FMN1: variants seen among roughly 807,000 people sequenced by gnomAD.
FMN1 encodes formin 1, also known as formin-1.
A neutral mutation model predicts 132.4 loss-of-function variants in FMN1; 110 were observed. The observed-to-expected ratio is 0.83, with a 90% CI of 0.71 to 0.97. FMN1 has a LOEUF of 0.97. Among genes scored for constraint, FMN1 ranks in the 50% least tolerant of loss-of-function variants. The probability of loss-of-function intolerance (pLI) is 0.00; values close to 1 mark genes in which losing one functional copy is unlikely to be tolerated. For synonymous variants in FMN1, 722 were observed against 651.7 expected (o/e 1.11, Z -1.64); for missense variants, 1,792 against 1,705.3 (o/e 1.05, Z -0.90).
intron 10 of FMN1, among the ~76,000 whole-genome samples, chr15:32,918,909 T>G (rs1041369592): frequency 1.3e-5 from 2 of 152,158 alleles, no homozygotes; most frequent in African/African-American, 4.8e-5. Context: ...GGAGCCCCGC[T>G]GCTTAGGTGT....
intron 6 of FMN1, among the ~76,000 whole-genome samples, chr15:33,023,955 T>C (rs986471463): frequency 2.6e-5 from 4 of 152,120 alleles, no homozygotes; most frequent in African/African-American, 7.2e-5. Flanking sequence ...TGTTGAAAGA[T>C]GGCAGGAGAA....
chr15:32,871,772 T>C (rs533751993), intron 16 of FMN1, among the ~76,000 whole-genome samples: 38 of 152,326 alleles, frequency 2.5e-4, no homozygotes, highest in Non-Finnish European at 4.4e-5. Flanking sequence ...GGAGAGATTT[T>C]GGAAATAAAA....
chr15:33,091,079 G>C (rs2038885063), intron 4 of FMN1, among the ~76,000 whole-genome samples: 1 of 152,044 alleles, frequency 6.6e-6, no homozygotes, highest in Admixed American at 6.6e-5. Context: ...TGCTGGCTTT[G>C]GGTAAAGTTT....
intron 12 of FMN1, among the ~76,000 whole-genome samples, chr15:32,906,816 G>C (rs1242821156): frequency 6.6e-6 from 1 of 152,208 alleles, no homozygotes; most frequent in Non-Finnish European, 1.5e-5. Context: ...GAACAAGACA[G>C]CAAGGGAACC....
chr15:32,999,182 G>A (rs1219161078), intron 7 of FMN1, among the ~76,000 whole-genome samples: 1 of 152,158 alleles, frequency 6.6e-6, no homozygotes, highest in Admixed American at 6.5e-5. Flanking sequence ...TTTCATACTT[G>A]TGAAAGTTTT....
chr15:33,153,747 G>A lies in FMN1; in HGVS notation c.1168C>T (p.Arg390Trp), dbSNP rs144328486. Residue 390 changes from arginine (R) to tryptophan (W), a missense_variant, in exon 4 of 21, where the codon CGG becomes TGG. Arg to Trp is a moderately radical substitution (Grantham distance 101). This residue lies in a region of FMN1 where 638 missense variants were observed against 645.2 expected (regional missense o/e 0.99). Coordinates refer to ENST00000616417, the MANE Select transcript of FMN1 (RefSeq NM_001277313.2). ...GACTGCGATGACCTATCCCCTTGCC[G>A]CTCCTTGCCCTGCCGCCTGGAGCCA... ...AHGSRRQGKE[R>W]QGDRSSQSPA... The A allele has an allele frequency of 5.4e-4, 825 of 1,536,188 alleles. 4 individuals are homozygous for A. The Middle Eastern group carries it at 0.014, about 26-fold the overall frequency.
At position 32,832,550 on chromosome 15, in the gene FMN1, C is replaced by A. The variant is rs531985461; in HGVS notation, c.3928+24465G>T. ...ATCCCAGCACTTTGGGAGGCCGAGG[C>A]GGGCAGATCATGAAGTCAGGAGATC... is the stretch of plus-strand genomic sequence containing the variant. On this transcript the variant is annotated intron_variant, in intron 17 of 20. Coordinates refer to ENST00000616417, the MANE Select transcript of FMN1 (RefSeq NM_001277313.2). Among the ~76,000 whole-genome samples the A allele has an allele frequency of 2.6e-5, 4 of 151,984 alleles. No individual in the cohort carries two copies. In the South Asian group the frequency reaches 8.3e-4, roughly 32 times the overall value.
chr15:32,833,334 A>G (rs2058548162), intron 17 of FMN1, among the ~76,000 whole-genome samples: 2 of 152,182 alleles, frequency 1.3e-5, no homozygotes, highest in African/African-American at 4.8e-5. Context: ...GGAATGTCTT[A>G]TGAAGCAGCA....
intron 3 of FMN1, among the ~76,000 whole-genome samples, chr15:33,155,541 T>C (rs144263089): frequency 1.5e-3 from 233 of 152,336 alleles, no homozygotes; most frequent in African/African-American, 5.3e-3. Context: ...AATTATCGAT[T>C]CAACTTAAAA....
At chr15:32,842,138 G>C (rs2058758397) in intron 17 of FMN1, among the ~76,000 whole-genome samples, 1 of 152,180 alleles carries the variant, frequency 6.6e-6, no homozygotes, top group South Asian at 2.1e-4. Context: ...CCCAGTGTTT[G>C]AGAGGATAGG....
At chr15:33,018,147 T>G (rs1390581608) in intron 6 of FMN1, among the ~76,000 whole-genome samples, 1 of 151,554 alleles carries the variant, frequency 6.6e-6, no homozygotes, top group African/African-American at 2.4e-5. Context: ...CTTTGGGAGG[T>G]GATCAGGTCA....
At chr15:32,965,327 G>A (rs2031099005) in intron 8 of FMN1, among the ~76,000 whole-genome samples, 1 of 152,064 alleles carries the variant, frequency 6.6e-6, no homozygotes, top group African/African-American at 2.4e-5. Flanking sequence ...TTGAACCCGG[G>A]AGGCAGAGGT....
chr15:33,040,427 C>G (rs1426650996), intron 6 of FMN1, among the ~76,000 whole-genome samples: 2 of 152,092 alleles, frequency 1.3e-5, no homozygotes, highest in African/African-American at 4.8e-5. Context: ...AACAACAAAA[C>G]AGAAAAAAAC....
chr15:33,060,201 C>T (rs752749417), intron 6 of FMN1, among the ~76,000 whole-genome samples: 14 of 152,132 alleles, frequency 9.2e-5, no homozygotes, highest in Middle Eastern at 3.2e-3. Context: ...ATTCCCCAGA[C>T]GGTGAAAGAG....
chr15:32,870,847 A>G (rs374746057), intron 16 of FMN1, among the ~76,000 whole-genome samples: 5 of 152,194 alleles, frequency 3.3e-5, no homozygotes, highest in African/African-American at 1.2e-4. Flanking sequence ...CCTTCCCTTG[A>G]ATTAAAGATG....
At chr15:33,009,897 GTTTT>G (rs201243952) in intron 6 of FMN1, among the ~76,000 whole-genome samples, 5 of 149,790 alleles carry the variant, frequency 3.3e-5, no homozygotes, top group South Asian at 2.1e-4. Context: ...TTTTTTGTTT[GTTTT>G]TTTTGAGATG....
intron 9 of FMN1, among the ~76,000 whole-genome samples, chr15:32,946,453 G>C (rs978456410): frequency 5.3e-5 from 8 of 152,196 alleles, no homozygotes; most frequent in Non-Finnish European, 1.0e-4. Context: ...CTGACTTCTA[G>C]TCCTGTGGCC....
chr15:32,938,886 A>G (rs1187090753), intron 9 of FMN1, among the ~76,000 whole-genome samples: 1 of 152,186 alleles, frequency 6.6e-6, no homozygotes, highest in Non-Finnish European at 1.5e-5. Context: ...ATATTTTCCA[A>G]TTACTAGATC....
At chr15:32,949,996 CACAT>C (rs1240704437) in intron 9 of FMN1, among the ~76,000 whole-genome samples, 70 of 5,592 alleles carry the variant, frequency 0.013, 2 homozygotes, top group Admixed American at 0.043. Context: ...CATATATATA[CACAT>C]ACACATATAT....
Sources: allele counts gnomAD v4.1 joint callset (sites outside exome capture counted in the v4.1 genomes callset), GRCh38; gene constraint gnomAD v4.1.1; regional missense constraint gnomAD v4.1.1; transcripts MANE v1.5; gene names NCBI Gene and HGNC (gene_info 2026-07-23, HGNC 2026-07-21).